OR5AN1: variants seen among roughly 807,000 people sequenced by gnomAD.
The protein encoded by OR5AN1 is olfactory receptor family 5 subfamily AN member 1, also known as olfactory receptor 5AN1.
For missense variants in OR5AN1, 476 were observed against 368.9 expected (o/e 1.29, Z -2.38); for synonymous variants, 167 against 131.8 (o/e 1.27, Z -1.83).
chr11:59,366,736 A>C lies in OR5AN1; in HGVS notation c.*1342A>C, dbSNP rs1441675741. The C allele has an allele frequency of 6.6e-6, 1 of 152,250 alleles. No homozygotes were observed. Among genetic ancestry groups the C allele is most frequent in the Non-Finnish European group, 1.5e-5 (1 of 68,052 alleles). The allele number at this position is 152,250 out of a possible 1,614,324, so 9.4% of individuals were successfully genotyped here. ...ATTCAAAACTCAGAATAGGGACCCC[A>C]GCATATAATAAACGCTATACGTGAA... On this transcript the variant is annotated 3_prime_UTR_variant, in exon 2 of 2. Transcript: ENST00000641998.
In OR5AN1 at chr11:59,364,637, T is replaced by C; in HGVS notation, c.179T>C (p.Met60Thr). 1 of 1,614,106 alleles carries C rather than the reference T, an allele frequency of 6.2e-7. No individual in the cohort carries two copies. The highest frequency in any genetic ancestry group is 8.5e-7 in the Non-Finnish European group (1 of 1,179,976). Residue 60 changes from methionine (M) to threonine (T), a missense_variant, in exon 2 of 2, where the codon ATG becomes ACG. Met to Thr is a moderately conservative substitution (Grantham distance 81). Coordinates refer to ENST00000641998, the MANE Select transcript of OR5AN1 (RefSeq NM_001004729.2). ...IRMDSHLHTP[M>T]YFFLSNLSFI... is the part of the protein sequence containing the mutation. ...ATGGATTCCCACCTCCATACACCCA[T>C]GTATTTCTTCCTCAGTAACCTGTCC...
rs966590798 is a variant in OR5AN1, at chr11:59,371,262, A to G, written c.*5868A>G. ...ATAATTATTTAATCAGTACTCAAAA[A>G]CATAGTATGAGTGCAAAAATGTTCA... is the stretch of plus-strand genomic sequence containing the variant. On this transcript the variant is annotated 3_prime_UTR_variant, in exon 2 of 2. Coordinates refer to ENST00000641998, the MANE Select transcript of OR5AN1 (RefSeq NM_001004729.2). 6.6e-6 allele frequency: 1 copy of G among 152,178 alleles called. No individual in the cohort carries two copies. The highest frequency in any genetic ancestry group is 1.5e-5 in the Non-Finnish European group (1 of 68,034). 9.4% of individuals were successfully genotyped at this position (152,178 alleles called of 1,614,324 possible). A position where few individuals can be genotyped will look rare whatever the true frequency, so the allele number is the denominator to read the frequency against.
chr11:59,368,828 C>CA lies in OR5AN1; in HGVS notation c.*3434_*3435insA, dbSNP rs1465822557. The CA allele has an allele frequency of 7.1e-4, 108 of 152,354 alleles. No homozygotes were observed. Among genetic ancestry groups the CA allele is most frequent in the African/African-American group, 2.5e-3 (104 of 41,576 alleles). 9.4% of individuals were successfully genotyped at this position (152,354 alleles called of 1,614,324 possible). A position where few individuals can be genotyped will look rare whatever the true frequency, so the allele number is the denominator to read the frequency against. ...CAGCCCAGGAGTGCTGAATCAGGAACTACAGGCAGCACTCAGGGGGAGAGG... is the reference window on the plus strand; with the variant it reads ...CAGCCCAGGAGTGCTGAATCAGGAACATACAGGCAGCACTCAGGGGGAGAGG... On this transcript the variant is annotated 3_prime_UTR_variant, in exon 2 of 2. Coordinates refer to ENST00000641998, the MANE Select transcript of OR5AN1 (RefSeq NM_001004729.2).
At position 59,371,571 on chromosome 11, in the gene OR5AN1, A is replaced by G. The variant is rs1197173878; in HGVS notation, c.*6177A>G. Reference sequence around the variant, plus strand: ...TATAATAACAGAGAAAACAACAACAACAACAACTTACAAATAAAGGATGTA... The same window carrying G: ...TATAATAACAGAGAAAACAACAACAGCAACAACTTACAAATAAAGGATGTA... On this transcript the variant is annotated 3_prime_UTR_variant, in exon 2 of 2. Coordinates refer to ENST00000641998, the MANE Select transcript of OR5AN1 (RefSeq NM_001004729.2). 1 of 152,254 alleles carries G rather than the reference A, an allele frequency of 6.6e-6. No homozygotes were observed. The highest frequency in any genetic ancestry group is 1.5e-5 in the Non-Finnish European group (1 of 68,064). The allele number at this position is 152,254 out of a possible 1,614,324, so 9.4% of individuals were successfully genotyped here. A position where few individuals can be genotyped will look rare whatever the true frequency, so the allele number is the denominator to read the frequency against.
At position 59,368,863 on chromosome 11, in the gene OR5AN1, G is replaced by C. The variant is rs866593843; in HGVS notation, c.*3469G>C. 2.6e-5 allele frequency: 4 copies of C among 152,276 alleles called. No individual in the cohort carries two copies. Among genetic ancestry groups the C allele is most frequent in the Non-Finnish European group, 5.9e-5 (4 of 68,132 alleles). The allele number at this position is 152,276 out of a possible 1,614,324, so 9.4% of individuals were successfully genotyped here. A position where few individuals can be genotyped will look rare whatever the true frequency, so the allele number is the denominator to read the frequency against. On this transcript the variant is annotated 3_prime_UTR_variant, in exon 2 of 2. Transcript: ENST00000641998. ...CACTCAGGGGGAGAGGAAACCACACGTTCTGAGCACTGAGAGGGAACACAG... is the reference window on the plus strand; with the variant it reads ...CACTCAGGGGGAGAGGAAACCACACCTTCTGAGCACTGAGAGGGAACACAG...
rs1312645469 is a variant in OR5AN1, at chr11:59,365,667, T to C, written c.*273T>C. On this transcript the variant is annotated 3_prime_UTR_variant, in exon 2 of 2. Transcript: ENST00000641998. ...TCATTTATGAATTTGTCCAAAATTA[T>C]TTGTGAAACAACAAGATTTAGAAAT... 1 of 322,780 alleles carries C rather than the reference T, an allele frequency of 3.1e-6. No homozygotes were observed. Among genetic ancestry groups the C allele is most frequent in the African/African-American group, 2.1e-5 (1 of 46,590 alleles). The allele number at this position is 322,780 out of a possible 1,614,324, so 20.0% of individuals were successfully genotyped here.
At chr11:59,362,076 A>G (rs923499741) in intron 1 of OR5AN1, among the ~76,000 whole-genome samples, 8 of 152,012 alleles carry the variant, frequency 5.3e-5, no homozygotes, top group African/African-American at 1.7e-4. Context: ...GTTTATAAAA[A>G]GCACATAATT....
intron 1 of OR5AN1, 87 bp from the exon 2 acceptor site, chr11:59,364,359 A>G (rs1857497950): frequency 2.6e-6 from 2 of 779,872 alleles, no homozygotes; most frequent in Admixed American, 5.6e-5. Context: ...TGCTTGTTGG[A>G]AGAAAAGATG....
At position 59,364,950 on chromosome 11, in the gene OR5AN1, G is replaced by C. The variant is rs768657755; in HGVS notation, c.492G>C (p.Leu164Phe). ...LTASLFQIGA[L>F]LQLHFCGSNV... ...CTTCTTTATTCCAAATTGGTGCTTT[G>C]CTTCAACTCCACTTCTGTGGGTCTA... The change falls in exon 2 of 2, where the codon TTG becomes TTC. Residue 164 changes from leucine to phenylalanine, a missense_variant. Transcript: ENST00000641998. 5.0e-6 allele frequency: 8 copies of C among 1,613,936 alleles called. No individual in the cohort carries two copies. The Admixed American group carries it at 1.3e-4, about 27-fold the overall frequency.
In OR5AN1 at chr11:59,367,558, C is replaced by G. The variant is rs1464221929; in HGVS notation, c.*2164C>G. ...AGATCCACTGGCTTGGAATTCCAGA[C>G]AGCTACCAGTAGTGGCATTGTACCT... On this transcript the variant is annotated 3_prime_UTR_variant, in exon 2 of 2. Transcript: ENST00000641998. The G allele has an allele frequency of 6.6e-6, 1 of 152,298 alleles. No individual in the cohort carries two copies. The highest frequency in any genetic ancestry group is 2.4e-5 in the African/African-American group (1 of 41,450). 9.4% of individuals were successfully genotyped at this position (152,298 alleles called of 1,614,324 possible).
chr11:59,364,688 C>T lies in OR5AN1; in HGVS notation c.230C>T (p.Ser77Phe). The change falls in exon 2 of 2, where the codon TCC becomes TTC. Residue 77 changes from serine to phenylalanine, a missense_variant. Coordinates refer to ENST00000641998, the MANE Select transcript of OR5AN1 (RefSeq NM_001004729.2). ...LSFIDVCYIS[S>F]TVPKMLSNLL... Reference sequence around the variant, plus strand: ...TTCATAGATGTCTGCTATATCAGCTCCACAGTCCCCAAGATGCTCTCCAAC... The same window carrying T: ...TTCATAGATGTCTGCTATATCAGCTTCACAGTCCCCAAGATGCTCTCCAAC... 1 of 1,613,792 alleles carries T rather than the reference C, an allele frequency of 6.2e-7. No homozygotes were observed. The highest frequency in any genetic ancestry group is 8.5e-7 in the Non-Finnish European group (1 of 1,179,836).
In OR5AN1 at chr11:59,368,368, G is replaced by A. The variant is rs1857558789; in HGVS notation, c.*2974G>A. The A allele has an allele frequency of 6.6e-6, 1 of 152,376 alleles. No homozygotes were observed. Among genetic ancestry groups the A allele is most frequent in the African/African-American group, 2.4e-5 (1 of 41,466 alleles). The allele number at this position is 152,376 out of a possible 1,614,324, so 9.4% of individuals were successfully genotyped here. On this transcript the variant is annotated 3_prime_UTR_variant, in exon 2 of 2. Transcript: ENST00000641998. ...AGCCACCACCAGCCAGAACTATCAAGCCAGTATCAAATCACCAACTCCCTA... is the reference window on the plus strand; with the variant it reads ...AGCCACCACCAGCCAGAACTATCAAACCAGTATCAAATCACCAACTCCCTA...
chr11:59,362,487 A>G (rs957321409), intron 1 of OR5AN1, among the ~76,000 whole-genome samples: 1 of 152,206 alleles, frequency 6.6e-6, no homozygotes, highest in African/African-American at 2.4e-5. Flanking sequence ...TTTCATATAT[A>G]AAATTCTTAC....
At chr11:59,361,901 T>G (rs942104228) in intron 1 of OR5AN1, among the ~76,000 whole-genome samples, 1 of 151,982 alleles carries the variant, frequency 6.6e-6, no homozygotes, top group Non-Finnish European at 1.5e-5. Context: ...TACAGATAAG[T>G]ATAAAGAAGA....
Position 59,365,698 on chromosome 11 carries a change from G to T in OR5AN1, c.*304G>T, listed in dbSNP as rs569530425. The T allele has an allele frequency of 5.7e-4, 146 of 256,488 alleles. 2 individuals are homozygous for T. The South Asian group carries it at 0.011, about 20-fold the overall frequency. 15.9% of individuals were successfully genotyped at this position (256,488 alleles called of 1,614,324 possible). A position where few individuals can be genotyped will look rare whatever the true frequency, so the allele number is the denominator to read the frequency against. ...AAACAACAAGATTTAGAAATCTTTT[G>T]TTTCCTGTGGCTTCTCAGATCAAAG... On this transcript the variant is annotated 3_prime_UTR_variant, in exon 2 of 2. Transcript: ENST00000641998.
Position 59,365,619 on chromosome 11 carries a change from T to C in OR5AN1, c.*225T>C, listed in dbSNP as rs1819094471. 2.4e-6 allele frequency: 1 copy of C among 424,672 alleles called. No individual in the cohort carries two copies. The highest frequency in any genetic ancestry group is 6.2e-5 in the South Asian group (1 of 16,018). The allele number at this position is 424,672 out of a possible 1,614,324, so 26.3% of individuals were successfully genotyped here. A position where few individuals can be genotyped will look rare whatever the true frequency, so the allele number is the denominator to read the frequency against. ...GGAGGTTCATTATTTTTATCCTACA[T>C]CAGGATAAATAATGTGGCCTCATCA... On this transcript the variant is annotated 3_prime_UTR_variant, in exon 2 of 2. Transcript: ENST00000641998.
Position 59,369,144 on chromosome 11 carries a change from A to G in OR5AN1, c.*3750A>G, listed in dbSNP as rs2134488446. Reference sequence around the variant, plus strand: ...CTCAAACTACTCTGCAGTTAAAGAAACACCCACATGCAGAGATGAGAAAAA... The same window carrying G: ...CTCAAACTACTCTGCAGTTAAAGAAGCACCCACATGCAGAGATGAGAAAAA... On this transcript the variant is annotated 3_prime_UTR_variant, in exon 2 of 2. Transcript: ENST00000641998. The G allele has an allele frequency of 6.8e-6, 1 of 146,282 alleles. No individual in the cohort carries two copies. Among genetic ancestry groups the G allele is most frequent in the Admixed American group, 7.1e-5 (1 of 14,114 alleles). 9.1% of individuals were successfully genotyped at this position (146,282 alleles called of 1,614,324 possible).
rs1411508151 is a variant in OR5AN1 at position 59,371,331 on chromosome 11, C to T, written c.*5937C>T. 2.0e-5 allele frequency: 3 copies of T among 151,852 alleles called. No homozygotes were observed. Among genetic ancestry groups the T allele is most frequent in the Non-Finnish European group, 4.4e-5 (3 of 67,982 alleles). The allele number at this position is 151,852 out of a possible 1,614,324, so 9.4% of individuals were successfully genotyped here. A position where few individuals can be genotyped will look rare whatever the true frequency, so the allele number is the denominator to read the frequency against. On this transcript the variant is annotated 3_prime_UTR_variant, in exon 2 of 2. Coordinates refer to ENST00000641998, the MANE Select transcript of OR5AN1 (RefSeq NM_001004729.2). ...TTGTGTTATGGCAAGTTAGAAGAAA[C>T]AGAATATGTGAAGGTGAGGAATTCA... is the stretch of plus-strand genomic sequence containing the variant.
chr11:59,362,280 A>C (rs1272965019), intron 1 of OR5AN1, among the ~76,000 whole-genome samples: 5 of 152,104 alleles, frequency 3.3e-5, no homozygotes, highest in Non-Finnish European at 5.9e-5. Flanking sequence ...GCCGTAACCA[A>C]GTTTTAAATT....
Sources: allele counts gnomAD v4.1 joint callset (sites outside exome capture counted in the v4.1 genomes callset), GRCh38; gene constraint gnomAD v4.1.1; transcripts MANE v1.5; gene names NCBI Gene and HGNC (gene_info 2026-07-23, HGNC 2026-07-21).